Variants in ONECUT3 observed in about 807,000 individuals in gnomAD.
ONECUT3 encodes one cut homeobox 3.
Under a neutral mutation model 16.8 loss-of-function variants are expected in ONECUT3, and 11 were observed. The ratio of observed to expected loss-of-function variants is 0.66; its 90% CI spans 0.41 to 1.09. The LOEUF (loss-of-function observed/expected upper bound fraction) is 1.09, where lower values mean the gene tolerates loss of function less well. Ranked by LOEUF, ONECUT3 falls within the 50% of genes least tolerant of loss-of-function variation. The pLI is 0.00. For synonymous variants in ONECUT3, 344 were observed against 310.7 expected (o/e 1.11, Z -1.13); for missense variants, 637 against 629.9 (o/e 1.01, Z -0.12).
Position 1,764,789 on chromosome 19 carries a change from G to T in ONECUT3, c.1192+9935G>T, listed in dbSNP as rs2067970019. ...CAAGTCACCCACTGACTCGAGTCTG[G>T]AGAGGCCACGGGGGGGGGATGCGCA... On this transcript the variant is annotated intron_variant, in intron 1 of 1. Transcript: ENST00000382349. The surrounding 1 kb of genome is among the most constrained non-coding windows in gnomAD (Gnocchi z 5.0). Among the ~76,000 whole-genome samples, 1 of 137,170 alleles carries T rather than the reference G, an allele frequency of 7.3e-6. No individual in the cohort carries two copies. Among genetic ancestry groups the T allele is most frequent in the East Asian group, 2.4e-4 (1 of 4,212 alleles). The allele number at this position is 137,170 out of a possible 152,430, so 90.0% of individuals were successfully genotyped here.
At position 1,774,692 on chromosome 19, in the gene ONECUT3, G is replaced by A. The variant is rs546966234; in HGVS notation, c.1193-461G>A. Among the ~76,000 whole-genome samples, 255 of 150,776 alleles carry A rather than the reference G, an allele frequency of 1.7e-3. 1 individual carries two copies. Among genetic ancestry groups the A allele is most frequent in the Admixed American group, 4.1e-3 (62 of 15,140 alleles). On this transcript the variant is annotated intron_variant, in intron 1 of 1. Transcript: ENST00000382349. ...TTTGAGGGTAGGACGGGGTTTGGGG[G>A]GTATGAGGCTTGGGGGGTGCCTGAG...
chr19:1,766,330 A>C lies in ONECUT3; in HGVS notation c.1193-8823A>C, dbSNP rs1455865617. Among the ~76,000 whole-genome samples, 5 of 152,176 alleles carry C rather than the reference A, an allele frequency of 3.3e-5. No individual in the cohort carries two copies. The highest frequency in any genetic ancestry group is 5.9e-5 in the Non-Finnish European group (4 of 68,026). ...CACGCGGCCAACGTCAGGCGCGCGCAGAGGCACCCACGGGCCCGCCTTCAG... is the reference window on the plus strand; with the variant it reads ...CACGCGGCCAACGTCAGGCGCGCGCCGAGGCACCCACGGGCCCGCCTTCAG... On this transcript the variant is annotated intron_variant, in intron 1 of 1. Transcript: ENST00000382349. The surrounding 1 kb of genome is among the most constrained non-coding windows in gnomAD (Gnocchi z 4.0).
At chr19:1,760,888 C>T (rs2067943067) in intron 1 of ONECUT3, among the ~76,000 whole-genome samples, 1 of 152,090 alleles carries the variant, frequency 6.6e-6, no homozygotes, top group Non-Finnish European at 1.5e-5. Flanking sequence ...GTCCTCTTAG[C>T]CTGAAGTCCT....
rs1037959748 is a variant in ONECUT3, at chr19:1,757,576, C to T, written c.1192+2722C>T. On this transcript the variant is annotated intron_variant, in intron 1 of 1. Transcript: ENST00000382349. ...CTGCCCACGCCGTGGCCCCGCCGCGCGGCCCCGCGGCCGCGGGGTTCACGC... is the reference window on the plus strand; with the variant it reads ...CTGCCCACGCCGTGGCCCCGCCGCGTGGCCCCGCGGCCGCGGGGTTCACGC... Among the ~76,000 whole-genome samples, 3 of 152,006 alleles carry T rather than the reference C, an allele frequency of 2.0e-5. 1 individual carries two copies. The highest frequency in any genetic ancestry group is 6.4e-3 in the Middle Eastern group (2 of 314).
chr19:1,754,987 C>T lies in ONECUT3; in HGVS notation c.1192+133C>T. 1.7e-6 allele frequency: 2 copies of T among 1,192,716 alleles called. No individual in the cohort carries two copies. The highest frequency in any genetic ancestry group is 1.1e-6 in the Non-Finnish European group (1 of 938,836). 73.9% of individuals were successfully genotyped at this position (1,192,716 alleles called of 1,614,324 possible). A position where few individuals can be genotyped will look rare whatever the true frequency, so the allele number is the denominator to read the frequency against. ...CGTGCGCCCCGGCAGCCCGGGACCC[C>T]CTATCAGGAAGCTAGACCGCGATCC... On this transcript the variant is annotated intron_variant, in intron 1 of 1. Transcript: ENST00000382349. The surrounding 1 kb of genome is among the most constrained non-coding windows in gnomAD (Gnocchi z 7.4).
chr19:1,770,800 T>C (rs4807957), intron 1 of ONECUT3, among the ~76,000 whole-genome samples: 74,086 of 152,020 alleles, frequency 0.49, 18,288 homozygotes, highest in East Asian at 0.61. Flanking sequence ...TGTTTCTTTA[T>C]GCAGATAAAA....
chr19:1,768,576 G>C (rs993370316), intron 1 of ONECUT3, among the ~76,000 whole-genome samples: 1 of 152,222 alleles, frequency 6.6e-6, no homozygotes, highest in Non-Finnish European at 1.5e-5. Flanking sequence ...TCCTCCGCCA[G>C]CTTGGTGGCC....
At position 1,775,686 on chromosome 19, in the gene ONECUT3, C is replaced by A. The variant is rs868251438; in HGVS notation, c.*241C>A. Reference sequence around the variant, plus strand: ...CAGGCCAAAGGAAGCCCTCCACCCCCCCCCGGAGGGGAGGGAGTGACAGAA... The same window carrying A: ...CAGGCCAAAGGAAGCCCTCCACCCCACCCCGGAGGGGAGGGAGTGACAGAA... On this transcript the variant is annotated 3_prime_UTR_variant, in exon 2 of 2. Coordinates refer to ENST00000382349, the MANE Select transcript of ONECUT3 (RefSeq NM_001080488.2). 0.02 allele frequency: 7,808 copies of A among 391,616 alleles called. 138 individuals carry two copies. The highest frequency in any genetic ancestry group is 0.025 in the Non-Finnish European group (5,417 of 220,604). The allele number at this position is 391,616 out of a possible 1,614,324, so 24.3% of individuals were successfully genotyped here.
At chr19:1,765,764 G>A (rs935859884) in intron 1 of ONECUT3, among the ~76,000 whole-genome samples, 78 of 152,330 alleles carry the variant, frequency 5.1e-4, no homozygotes, top group African/African-American at 1.8e-3. Flanking sequence ...GCCAGGGTGC[G>A]CGTTCAAGGC....
rs2067900440 is a variant in ONECUT3, at chr19:1,753,739, G to A, written c.77G>A (p.Gly26Asp). ...HAQAGELLSP[G>D]HARSAAAQHR... is the part of the protein sequence containing the mutation. ...CAGGCGGGCGAGCTGCTGAGCCCGG[G>A]CCACGCGCGCTCGGCGGCGGCGCAG... Residue 26 changes from glycine to aspartate, a missense_variant, in exon 1 of 2, where the codon GGC (glycine) becomes GAC (aspartate). Coordinates refer to ENST00000382349, the MANE Select transcript of ONECUT3 (RefSeq NM_001080488.2). 1.9e-6 allele frequency: 2 copies of A among 1,026,660 alleles called. No individual in the cohort carries two copies. Among genetic ancestry groups the A allele is most frequent in the East Asian group, 8.7e-5 (1 of 11,444 alleles). The allele number at this position is 1,026,660 out of a possible 1,614,324, so 63.6% of individuals were successfully genotyped here.
At chr19:1,769,694 CCT>C (rs1568599865) in intron 1 of ONECUT3, among the ~76,000 whole-genome samples, 1 of 152,054 alleles carries the variant, frequency 6.6e-6, no homozygotes, top group East Asian at 1.9e-4. Context: ...CCAACTCACA[CCT>C]CTGTCAGCGG....
At position 1,777,565 on chromosome 19, in the gene ONECUT3, G is replaced by C. The variant is rs2068121953; in HGVS notation, c.*2120G>C. ...TCTCCCACCTCCCACTAAAACCTGG[G>C]CCTTAATTTCTCTCCCGTCCCCACC... On this transcript the variant is annotated 3_prime_UTR_variant, in exon 2 of 2. Transcript: ENST00000382349. 1 of 152,256 alleles carries C rather than the reference G, an allele frequency of 6.6e-6. No individual in the cohort carries two copies. Among genetic ancestry groups the C allele is most frequent in the African/African-American group, 2.4e-5 (1 of 41,436 alleles). The allele number at this position is 152,256 out of a possible 1,614,324, so 9.4% of individuals were successfully genotyped here.
At chr19:1,763,085 C>T (rs1469134914) in intron 1 of ONECUT3, among the ~76,000 whole-genome samples, 1 of 151,624 alleles carries the variant, frequency 6.6e-6, no homozygotes, top group Non-Finnish European at 1.5e-5. Context: ...CAGATGTGGC[C>T]GGGTGCGGTG....
intron 1 of ONECUT3, among the ~76,000 whole-genome samples, chr19:1,769,316 G>C (rs1170406178): frequency 6.6e-6 from 1 of 152,042 alleles, no homozygotes. Flanking sequence ...CACTGACATT[G>C]GTGGTGCAGG....
At chr19:1,771,626 CACA>C (rs2068055674) in intron 1 of ONECUT3, among the ~76,000 whole-genome samples, 2 of 152,160 alleles carry the variant, frequency 1.3e-5, no homozygotes, top group East Asian at 1.9e-4. Context: ...TCTGAAATTT[CACA>C]ACAACGAGGC....
In ONECUT3 at chr19:1,764,160, G is replaced by A. The variant is rs2067964479; in HGVS notation, c.1192+9306G>A. Among the ~76,000 whole-genome samples, 1 of 152,108 alleles carries A rather than the reference G, an allele frequency of 6.6e-6. No homozygotes were observed. Among genetic ancestry groups the A allele is most frequent in the African/African-American group, 2.4e-5 (1 of 41,398 alleles). On this transcript the variant is annotated intron_variant, in intron 1 of 1. Transcript: ENST00000382349. The surrounding 1 kb of genome is among the most constrained non-coding windows in gnomAD (Gnocchi z 5.0). ...CATTTTTTTTAAAAATCAACGCCTT[G>A]TGCGTGCGTGTGTTTGCCCACTGGC...
In ONECUT3 at chr19:1,753,768, C is replaced by A. The variant is rs925014047; in HGVS notation, c.106C>A (p.Arg36Ser). ...GHARSAAAQH[R>S]GLVAPGRPGL... Reference sequence around the variant, plus strand: ...CGCGCGCTCGGCGGCGGCGCAGCACCGCGGCCTGGTGGCGCCCGGGCGCCC... The same window carrying A: ...CGCGCGCTCGGCGGCGGCGCAGCACAGCGGCCTGGTGGCGCCCGGGCGCCC... Residue 36 changes from arginine to serine, a missense_variant, in exon 1 of 2, where the codon CGC becomes AGC. Transcript: ENST00000382349. 3.9e-5 allele frequency: 39 copies of A among 992,924 alleles called. No individual in the cohort carries two copies. In the Middle Eastern group the frequency reaches 1.5e-3, roughly 38 times the overall value. 61.5% of individuals were successfully genotyped at this position (992,924 alleles called of 1,614,324 possible).
At chr19:1,763,464 T>C (rs1478598728) in intron 1 of ONECUT3, among the ~76,000 whole-genome samples, 2 of 150,208 alleles carry the variant, frequency 1.3e-5, no homozygotes, top group African/African-American at 4.9e-5. Context: ...GAGGATCTCT[T>C]GAGCAAGGGA....
rs1250021007 is a variant in ONECUT3, at chr19:1,775,397, G to C, written c.1437G>C (p.Thr479=). Residue 479 remains threonine, a synonymous_variant, in exon 2 of 2, where the codon ACG becomes ACC. Transcript: ENST00000382349. The stretch of plus-strand genomic sequence containing the variant: ...ACCGCTGGGCTGAGGAGCCCAGCAC[G>C]GCCCCCGGGGGCCCCGCCGGCGCCA... ...CMNRWAEEPS[T]APGGPAGATA... 1 of 1,506,992 alleles carries C rather than the reference G, an allele frequency of 6.6e-7. No individual in the cohort carries two copies. The highest frequency in any genetic ancestry group is 2.1e-5 in the Admixed American group (1 of 46,996). 93.4% of individuals were successfully genotyped at this position (1,506,992 alleles called of 1,614,324 possible).
Sources: allele counts gnomAD v4.1 joint callset (sites outside exome capture counted in the v4.1 genomes callset), GRCh38; gene constraint gnomAD v4.1.1; non-coding constraint Gnocchi (gnomAD v3.1); transcripts MANE v1.5; gene names NCBI Gene and HGNC (gene_info 2026-07-23, HGNC 2026-07-21).